ATG7: variants seen among roughly 807,000 people sequenced by gnomAD.
ATG7 encodes the protein ubiquitin-like modifier-activating enzyme ATG7.
Under a neutral mutation model 82.4 loss-of-function variants are expected in ATG7, and 70 were observed. The observed-to-expected ratio is 0.85, with a 90% CI of 0.70 to 1.04. ATG7 has a LOEUF of 1.04. Ranked by LOEUF, ATG7 falls within the 50% of genes least tolerant of loss-of-function variation. ATG7 has a pLI of 0.00. For missense variants in ATG7, 792 were observed against 864.3 expected, an observed-to-expected ratio of 0.92 and a Z score of 1.05; for synonymous variants, 287 against 313.0, an observed-to-expected ratio of 0.92 and a Z score of 0.88.
intron 20 of ATG7, among the ~76,000 whole-genome samples, chr3:11,550,433 T>G (rs571118241): frequency 1.5e-4 from 23 of 152,178 alleles, no homozygotes; most frequent in Admixed American, 2.6e-4. Flanking sequence ...AGGGTCTCAC[T>G]CTCTGTTGCC....
At chr3:11,511,765 G>T (rs2454488) in intron 20 of ATG7, among the ~76,000 whole-genome samples, 76,392 of 152,126 alleles carry the variant, frequency 0.5, 19,796 homozygotes, top group East Asian at 0.66. Context: ...AAGGCCCAGC[G>T]AGAAATCGAG....
At chr3:11,543,380 C>T (rs1194259787) in intron 20 of ATG7, among the ~76,000 whole-genome samples, 1 of 152,206 alleles carries the variant, frequency 6.6e-6, no homozygotes, top group Non-Finnish European at 1.5e-5. Context: ...GTAGCCCCCA[C>T]AGTTCTGTTT....
At chr3:11,390,604 A>G (rs1434305837) in intron 19 of ATG7, among the ~76,000 whole-genome samples, 7 of 150,276 alleles carry the variant, frequency 4.7e-5, no homozygotes, top group Non-Finnish European at 7.4e-5. Context: ...AATTGCTTTT[A>G]CTCTCACAGT....
chr3:11,301,980 GT>G (rs1345850915), intron 5 of ATG7, among the ~76,000 whole-genome samples: 1 of 152,160 alleles, frequency 6.6e-6, no homozygotes, highest in African/African-American at 2.4e-5. Context: ...AAAAATTTTG[GT>G]TGAAGGAGAT....
At chr3:11,388,429 C>T (rs2078483268) in intron 19 of ATG7, among the ~76,000 whole-genome samples, 1 of 150,182 alleles carries the variant, frequency 6.7e-6, no homozygotes, top group African/African-American at 2.5e-5. Context: ...GCTCATGTTC[C>T]TTCTTTTTTT....
the ATG7 span, among the ~76,000 whole-genome samples, chr3:11,574,403 A>G: frequency 6.6e-6 from 1 of 152,154 alleles, no homozygotes; most frequent in African/African-American, 2.4e-5. Flanking sequence ...GCACCGCACA[A>G]TGACAGTCCA....
the ATG7 span, among the ~76,000 whole-genome samples, chr3:11,575,850 A>T: frequency 6.6e-6 from 1 of 151,944 alleles, no homozygotes; most frequent in African/African-American, 2.4e-5. Context: ...GCATTCAGAG[A>T]CCCTCTTTGC....
At chr3:11,310,184 G>A (rs1948428333) in intron 7 of ATG7, among the ~76,000 whole-genome samples, 1 of 151,750 alleles carries the variant, frequency 6.6e-6, no homozygotes, top group Admixed American at 6.6e-5. Context: ...AAAATACTGT[G>A]GTATATTGAA....
chr3:11,498,567 G>A (rs894863626), intron 20 of ATG7, among the ~76,000 whole-genome samples: 6 of 152,282 alleles, frequency 3.9e-5, no homozygotes, highest in African/African-American at 1.4e-4. Context: ...TCACTCCTGT[G>A]ACCAAACCCC....
At chr3:11,459,057 T>C (rs2454499) in intron 20 of ATG7, among the ~76,000 whole-genome samples, 131,707 of 152,036 alleles carry the variant, frequency 0.87, 57,364 homozygotes, top group East Asian at 1. Context: ...TCCTCAAGAC[T>C]GGTCCCTGGT....
Position 11,482,750 on chromosome 3 carries a change from A to G in ATG7, c.2079+55824A>G, listed in dbSNP as rs546878185. On this transcript the variant is annotated intron_variant, in intron 20 of 20. Coordinates refer to ENST00000693202, the MANE Select transcript of ATG7 (RefSeq NM_001349232.2). ...TATAGGGGATATCTAGTGCCAGGCT[A>G]CTAATCCAGTGCTTTTCAACCCTTT... Among the ~76,000 whole-genome samples the G allele has an allele frequency of 1.7e-3, 258 of 151,974 alleles. 1 individual carries two copies. The highest frequency in any genetic ancestry group is 5.2e-3 in the African/African-American group (217 of 41,470).
In ATG7 at chr3:11,340,709, C is replaced by T. The variant is rs1953418885; in HGVS notation, c.954C>T (p.Asn318=). Residue 318 remains asparagine (N), a synonymous_variant, in exon 12 of 21, where the codon AAC becomes AAT. Transcript: ENST00000693202. ...QKGGMGPRMV[N]LSECMDPKRL... Reference sequence around the variant, plus strand: ...GAGGCATGGGACCAAGGATGGTGAACCTCAGTGAATGTATGGACCCTAAAA... The same window carrying T: ...GAGGCATGGGACCAAGGATGGTGAATCTCAGTGAATGTATGGACCCTAAAA... 1 of 1,613,594 alleles carries T rather than the reference C, an allele frequency of 6.2e-7. No individual in the cohort carries two copies. The highest frequency in any genetic ancestry group is 8.5e-7 in the Non-Finnish European group (1 of 1,179,816).
chr3:11,492,836 G>A (rs533733182), intron 20 of ATG7, among the ~76,000 whole-genome samples: 138 of 152,372 alleles, frequency 9.1e-4, no homozygotes, highest in Middle Eastern at 6.8e-3. Flanking sequence ...CTTTGGTGCT[G>A]GAAGGAACAA....
chr3:11,374,433 A>T (rs955319929), intron 18 of ATG7, among the ~76,000 whole-genome samples: 25 of 152,356 alleles, frequency 1.6e-4, no homozygotes, highest in African/African-American at 5.8e-4. Flanking sequence ...AAATTAACTC[A>T]AAATAGATCA....
intron 20 of ATG7, among the ~76,000 whole-genome samples, chr3:11,548,085 C>T (rs1285622790): frequency 6.6e-6 from 1 of 152,226 alleles, no homozygotes; most frequent in Non-Finnish European, 1.5e-5. Flanking sequence ...CTCAAGTGAC[C>T]TTCCCACCTT....
At chr3:11,431,868 G>C (rs2082922657) in intron 20 of ATG7, among the ~76,000 whole-genome samples, 1 of 152,104 alleles carries the variant, frequency 6.6e-6, no homozygotes. Context: ...ATATAGAAAG[G>C]GGCACATAGT....
intron 19 of ATG7, 74 bp from the exon 20 acceptor site, chr3:11,426,730 G>C: frequency 7.4e-7 from 1 of 1,354,350 alleles, no homozygotes; most frequent in South Asian, 1.6e-5. Flanking sequence ...ACAAGAGCTT[G>C]TTAGAAGTGA....
intron 13 of ATG7, 147 bp downstream of exon 13, chr3:11,342,426 T>A: frequency 8.9e-7 from 1 of 1,124,410 alleles, no homozygotes; most frequent in Non-Finnish European, 1.2e-6. Flanking sequence ...TCTTTTTAAG[T>A]GTAAAAGAAA....
intron 20 of ATG7, among the ~76,000 whole-genome samples, chr3:11,510,938 G>A (rs1316536067): frequency 3.9e-5 from 6 of 152,060 alleles, no homozygotes; most frequent in African/African-American, 1.2e-4. Flanking sequence ...GGACCCTCGC[G>A]GTGAGTGTTA....
Sources: gnomAD v4.1 joint callset for allele counts (sites outside exome capture counted in the v4.1 genomes callset) on GRCh38, gnomAD v4.1.1 for gene constraint, MANE v1.5 for transcripts, NCBI Gene and HGNC (gene_info 2026-07-23, HGNC 2026-07-21) for gene names.